PTPRZ1: variants seen among roughly 807,000 people sequenced by gnomAD.
PTPRZ1 encodes receptor-type tyrosine-protein phosphatase zeta.
PTPRZ1 carries 82 observed loss-of-function variants against 214.1 expected under a neutral mutation model. The ratio of observed to expected loss-of-function variants is 0.38; its 90% CI spans 0.32 to 0.46. The LOEUF is 0.46. PTPRZ1 is among the 20% of genes least tolerant of loss of function. The probability of loss-of-function intolerance (pLI) is 1.00; values close to 1 mark genes in which losing one functional copy is unlikely to be tolerated. For synonymous variants in PTPRZ1, 945 were observed against 987.9 expected (o/e 0.96, Z 0.81); for missense variants, 2,603 against 2,748.7 (o/e 0.95, Z 1.19).
At chr7:121,908,973 G>GT (rs1188356153) in intron 1 of PTPRZ1, 2 of 516,128 alleles carry the variant, frequency 3.9e-6, no homozygotes, top group African/African-American at 3.9e-5. Flanking sequence ...TTAGACTTTA[G>GT]TATTGTCACA....
intron 13 of PTPRZ1, among the ~76,000 whole-genome samples, chr7:122,024,321 A>T (rs1338111311): frequency 6.6e-6 from 1 of 152,136 alleles, no homozygotes; most frequent in East Asian, 1.9e-4. Context: ...ATACCCAACC[A>T]AATGGCACAC....
Position 122,011,133 on chromosome 7 carries a change from G to A in PTPRZ1, c.2087G>A (p.Gly696Asp). 6.2e-7 allele frequency: 1 copy of A among 1,614,072 alleles called. No homozygotes were observed. Among genetic ancestry groups the A allele is most frequent in the Non-Finnish European group, 8.5e-7 (1 of 1,179,996 alleles). The part of the protein sequence containing the change: ...SEKTTKSFSA[G>D]PVMSQGPSVT... ...AAGACAACCAAGTCCTTTTCTGCAGGCCCAGTGATGTCACAGGGTCCCTCA... is the reference window on the plus strand; with the variant it reads ...AAGACAACCAAGTCCTTTTCTGCAGACCCAGTGATGTCACAGGGTCCCTCA... Residue 696 changes from glycine (G) to aspartate (D), a missense_variant, in exon 12 of 30, where the codon GGC becomes GAC. By Grantham distance (94) the Gly-to-Asp change is moderately conservative. Around this residue, in one of 6 missense-constraint regions of PTPRZ1, gnomAD observed 1,913 missense variants for 1,914.3 expected, o/e 1.00. Coordinates refer to ENST00000393386, the MANE Select transcript of PTPRZ1 (RefSeq NM_002851.3).
At position 122,012,614 on chromosome 7, in the gene PTPRZ1, G is replaced by C; in HGVS notation, c.3568G>C (p.Asp1190His). The change falls in exon 12 of 30, where the codon GAT becomes CAT. Residue 1190 changes from aspartate to histidine, a missense_variant. Coordinates refer to ENST00000393386, the MANE Select transcript of PTPRZ1 (RefSeq NM_002851.3). ...GCTACAACCTTCCTTTCAGGCTTCTGATGTTGACACCTTGCTTAAAACTGT... is the reference window on the plus strand; with the variant it reads ...GCTACAACCTTCCTTTCAGGCTTCTCATGTTGACACCTTGCTTAAAACTGT... ...VLLQPSFQAS[D>H]VDTLLKTVLP... 1 of 1,613,780 alleles carries C rather than the reference G, an allele frequency of 6.2e-7. No individual in the cohort carries two copies.
chr7:121,984,230 T>C, intron 8 of PTPRZ1, 113 bp downstream of exon 8: 1 of 953,214 alleles, frequency 1.0e-6, no homozygotes, highest in Non-Finnish European at 1.4e-6. Context: ...GTTTTAATTA[T>C]TAATTTTGTA....
intron 12 of PTPRZ1, among the ~76,000 whole-genome samples, chr7:122,014,376 GAATTAGTT>G (rs1317485025): frequency 6.6e-6 from 1 of 152,014 alleles, no homozygotes; most frequent in Non-Finnish European, 1.5e-5. Flanking sequence ...CTGTAGAAAG[GAATTAGTT>G]AATTTCCACA....
intron 1 of PTPRZ1, among the ~76,000 whole-genome samples, chr7:121,890,200 T>G (rs1186624962): frequency 6.6e-6 from 1 of 152,170 alleles, no homozygotes; most frequent in Non-Finnish European, 1.5e-5. Flanking sequence ...TGTAACACAG[T>G]TCTCAAACTT....
At chr7:122,057,555 G>A (rs554886552) in intron 27 of PTPRZ1, among the ~76,000 whole-genome samples, 9 of 149,836 alleles carry the variant, frequency 6.0e-5, no homozygotes, top group Non-Finnish European at 5.9e-5. Flanking sequence ...CAGAGGTCTC[G>A]TATTGTGGAT....
intron 11 of PTPRZ1, among the ~76,000 whole-genome samples, chr7:122,007,022 C>A (rs1355458718): frequency 6.6e-6 from 1 of 151,944 alleles, no homozygotes; most frequent in Non-Finnish European, 1.5e-5. Flanking sequence ...TAAGGAACCT[C>A]CCAAGGAATA....
In PTPRZ1 at chr7:121,873,311, CTCTG is replaced by C. The variant is rs1393932224; in HGVS notation, c.-185_-182del. 8.2e-5 allele frequency: 45 copies of C among 545,764 alleles called. No homozygotes were observed. The highest frequency in any genetic ancestry group is 5.6e-4 in the African/African-American group (22 of 39,458). The allele number at this position is 545,764 out of a possible 1,614,324, so 33.8% of individuals were successfully genotyped here. Reference sequence around the variant, plus strand: ...TCTGACTGTCTCTCTCTGTCTCTGTCTCTGTCTCTCTCTCTCTCACACACACACA... The same window carrying C: ...TCTGACTGTCTCTCTCTGTCTCTGTCTCTCTCTCTCTCTCACACACACACA... On this transcript the variant is annotated 5_prime_UTR_variant, in exon 1 of 30. Coordinates refer to ENST00000393386, the MANE Select transcript of PTPRZ1 (RefSeq NM_002851.3).
At chr7:121,984,647 G>A (rs1797713012) in intron 8 of PTPRZ1, among the ~76,000 whole-genome samples, 1 of 152,096 alleles carries the variant, frequency 6.6e-6, no homozygotes, top group African/African-American at 2.4e-5. Flanking sequence ...TATCAGTACT[G>A]AAAATAAATG....
intron 22 of PTPRZ1, 35 bp downstream of exon 22, chr7:122,042,778 A>G: frequency 6.3e-7 from 1 of 1,577,692 alleles, no homozygotes; most frequent in Non-Finnish European, 8.7e-7. Flanking sequence ...TATTCATCTA[A>G]GGTATGGAAA....
In PTPRZ1 at chr7:121,909,798, T is replaced by C. The variant is rs550803221; in HGVS notation, c.59-18358T>C. 2.0e-5 allele frequency among the ~76,000 whole-genome samples: 3 copies of C among 152,260 alleles called. No homozygotes were observed. In the South Asian group the frequency reaches 6.2e-4, roughly 32 times the overall value. On this transcript the variant is annotated intron_variant, in intron 1 of 29. Coordinates refer to ENST00000393386, the MANE Select transcript of PTPRZ1 (RefSeq NM_002851.3). Reference sequence around the variant, plus strand: ...AAAATTACAATAAGAGTATGTTATCTGAAAATATGGAGTTAAATTACAGAA... The same window carrying C: ...AAAATTACAATAAGAGTATGTTATCCGAAAATATGGAGTTAAATTACAGAA...
intron 1 of PTPRZ1, among the ~76,000 whole-genome samples, chr7:121,878,131 C>A (rs995938220): frequency 1.5e-4 from 23 of 152,076 alleles, no homozygotes; most frequent in African/African-American, 5.3e-4. Context: ...TATCATATAG[C>A]ACAATCTTAA....
intron 13 of PTPRZ1, among the ~76,000 whole-genome samples, chr7:122,020,333 A>G (rs1039181976): frequency 6.6e-6 from 1 of 152,202 alleles, no homozygotes; most frequent in Non-Finnish European, 1.5e-5. Flanking sequence ...AAAAATGTAT[A>G]AAATATTACA....
At chr7:122,008,749 A>T (rs1394663341) in intron 11 of PTPRZ1, among the ~76,000 whole-genome samples, 6 of 152,100 alleles carry the variant, frequency 3.9e-5, no homozygotes, top group African/African-American at 1.4e-4. Flanking sequence ...GTTTGCAAAA[A>T]CAAGGAAGAG....
intron 8 of PTPRZ1, among the ~76,000 whole-genome samples, chr7:121,991,022 A>C (rs957582888): frequency 6.6e-6 from 1 of 152,134 alleles, no homozygotes; most frequent in South Asian, 2.1e-4. Context: ...AGGGGGGAAA[A>C]TCAGACCTTA....
intron 8 of PTPRZ1, among the ~76,000 whole-genome samples, chr7:121,992,963 T>C (rs1798017337): frequency 3.3e-5 from 5 of 152,118 alleles, no homozygotes; most frequent in Admixed American, 3.3e-4. Flanking sequence ...GCCAGAAGCC[T>C]GCACTAACCA....
At chr7:121,939,025 C>A (rs1462830312) in intron 2 of PTPRZ1, among the ~76,000 whole-genome samples, 4 of 152,190 alleles carry the variant, frequency 2.6e-5, no homozygotes, top group African/African-American at 9.7e-5. Flanking sequence ...GTGTCTGAGG[C>A]AGAGACTCAC....
chr7:121,925,336 G>A (rs550519686), intron 1 of PTPRZ1, among the ~76,000 whole-genome samples: 3 of 152,110 alleles, frequency 2.0e-5, no homozygotes, highest in African/African-American at 7.2e-5. Context: ...AGCATTTTAT[G>A]GAACAACCAT....
Sources: allele counts gnomAD v4.1 joint callset (sites outside exome capture counted in the v4.1 genomes callset), GRCh38; gene constraint gnomAD v4.1.1; regional missense constraint gnomAD v4.1.1; transcripts MANE v1.5; gene names NCBI Gene and HGNC (gene_info 2026-07-23, HGNC 2026-07-21).